The following CEMIP2 variants were observed in gnomAD, a reference collection of about 807,000 sequenced individuals.
CEMIP2 encodes the protein cell surface hyaluronidase CEMIP2.
CEMIP2 carries 79 observed loss-of-function variants against 146.9 expected under a neutral mutation model. That is an observed-to-expected ratio of 0.54 (90% CI 0.45 to 0.65). The LOEUF is 0.65. Among genes scored for constraint, CEMIP2 ranks in the 30% least tolerant of loss-of-function variants. CEMIP2 has a pLI of 0.00. For synonymous variants in CEMIP2, 601 were observed against 606.3 expected, an observed-to-expected ratio of 0.99 and a Z score of 0.13; for missense variants, 1,596 against 1,696.2, an observed-to-expected ratio of 0.94 and a Z score of 1.04.
chr9:71,744,834 A>G (rs138120254), intron 4 of CEMIP2, among the ~76,000 whole-genome samples, 184 bp downstream of exon 4: 1 of 152,276 alleles, frequency 6.6e-6, no homozygotes, highest in East Asian at 1.9e-4. Context: ...AGCCAATGAA[A>G]ATAGCTTTTG....
chr9:71,754,456 C>T (rs572087917), intron 1 of CEMIP2, among the ~76,000 whole-genome samples: 24 of 152,240 alleles, frequency 1.6e-4, no homozygotes, highest in African/African-American at 5.8e-4. Context: ...CAGTATTTCA[C>T]TTTAATACTC....
Position 71,685,209 on chromosome 9 carries a change from T to G in CEMIP2, c.4140A>C (p.Ser1380=). ...RRDLELLKQA[S]KAH is the part of the protein sequence containing the mutation. ...TTACAGTTAGTCTCTAATGTGCTTT[T>G]GAAGCTTGCTTTAGCAGTTCCAGGT... Residue 1380 remains serine, a synonymous_variant, in exon 24 of 24, where the codon TCA becomes TCC. Coordinates refer to ENST00000377044, the MANE Select transcript of CEMIP2 (RefSeq NM_013390.3). 2 of 1,608,848 alleles carry G rather than the reference T, an allele frequency of 1.2e-6. No individual in the cohort carries two copies. The highest frequency in any genetic ancestry group is 1.7e-6 in the Non-Finnish European group (2 of 1,178,262).
chr9:71,730,760 G>C lies in CEMIP2; in HGVS notation c.1718C>G (p.Ser573Cys). 2 of 1,614,218 alleles carry C rather than the reference G, an allele frequency of 1.2e-6. No individual in the cohort carries two copies. The highest frequency in any genetic ancestry group is 2.7e-5 in the African/African-American group (2 of 75,060). ...YRHATFVDGLSIHHSFSRCIT... is the reference protein window; with the variant it reads ...YRHATFVDGLCIHHSFSRCIT... ...GCACCTTGAGAAGCTGTGATGAATAGACAGGCCGTCCACAAATGTTGCATG... is the reference window on the plus strand; with the variant it reads ...GCACCTTGAGAAGCTGTGATGAATACACAGGCCGTCCACAAATGTTGCATG... The change falls in exon 8 of 24, where the codon TCT becomes TGT. Residue 573 changes from serine (S) to cysteine (C), a missense_variant. Transcript: ENST00000377044.
At chr9:71,717,114 G>A (rs1364867698) in intron 13 of CEMIP2, among the ~76,000 whole-genome samples, 1 of 152,218 alleles carries the variant, frequency 6.6e-6, no homozygotes, top group East Asian at 1.9e-4. Context: ...TGAGGCTGCA[G>A]TGAGCTATGA....
intron 22 of CEMIP2, among the ~76,000 whole-genome samples, chr9:71,688,161 G>A (rs886752258): frequency 7.9e-5 from 12 of 152,118 alleles, no homozygotes; most frequent in African/African-American, 2.7e-4. Flanking sequence ...CTGAACTCTT[G>A]GCCGGTATTA....
chr9:71,693,317 A>G (rs570617600), intron 21 of CEMIP2, among the ~76,000 whole-genome samples: 1 of 152,178 alleles, frequency 6.6e-6, no homozygotes, highest in Non-Finnish European at 1.5e-5. Flanking sequence ...ACCTAGGTCA[A>G]CCTGATTTTG....
At chr9:71,768,804 C>T (rs983825723), upstream of CEMIP2, 6 of 149,008 alleles carry the variant, frequency 4.0e-5, no homozygotes, top group African/African-American at 1.5e-4. Flanking sequence ...CGCTCTTGTC[C>T]CTGGTCGGCG....
intron 8 of CEMIP2, 149 bp downstream of exon 8, chr9:71,730,556 G>C: frequency 5.0e-6 from 4 of 801,982 alleles, no homozygotes; most frequent in Non-Finnish European, 7.5e-6. Flanking sequence ...GCTTCCTTCA[G>C]ACAGAAAAAT....
At chr9:71,767,730 G>A (rs1824839262) in intron 1 of CEMIP2, among the ~76,000 whole-genome samples, 1 of 152,202 alleles carries the variant, frequency 6.6e-6, no homozygotes, top group Non-Finnish European at 1.5e-5. Flanking sequence ...TGGGAATAGG[G>A]TCCAGGGCTA....
chr9:71,720,323 C>T (rs1291751957), intron 12 of CEMIP2, among the ~76,000 whole-genome samples: 1 of 152,118 alleles, frequency 6.6e-6, no homozygotes, highest in Non-Finnish European at 1.5e-5. Context: ...TGGAGTCTTG[C>T]CTTTTTGCTC....
chr9:71,710,219 C>T (rs1419213135), intron 16 of CEMIP2, among the ~76,000 whole-genome samples: 1 of 152,186 alleles, frequency 6.6e-6, no homozygotes, highest in Non-Finnish European at 1.5e-5. Flanking sequence ...GCAAAATGGG[C>T]TGCAGGTGAC....
chr9:71,750,188 G>C lies in CEMIP2; in HGVS notation c.186C>G (p.Phe62Leu). 1 of 1,614,130 alleles carries C rather than the reference G, an allele frequency of 6.2e-7. No homozygotes were observed. The highest frequency in any genetic ancestry group is 1.3e-5 in the African/African-American group (1 of 75,010). Residue 62 changes from phenylalanine to leucine, a missense_variant, in exon 2 of 24, where the codon TTC becomes TTG. Coordinates refer to ENST00000377044, the MANE Select transcript of CEMIP2 (RefSeq NM_013390.3). The stretch of plus-strand genomic sequence containing the variant: ...TCTGGGCTTGCTGTTCTTCAGGTGA[G>C]AATGCGAAGGTTGCCCGGTCTTCTC... ...IRREDRATFA[F>L]SPEEQQAQRE... is the part of the protein sequence containing the mutation.
At chr9:71,744,829 AT>A (rs1032542464) in intron 4 of CEMIP2, among the ~76,000 whole-genome samples, 188 bp downstream of exon 4, 2 of 152,192 alleles carry the variant, frequency 1.3e-5, no homozygotes, top group Admixed American at 1.3e-4. Context: ...ACCAAAGCCA[AT>A]GAAAATAGCT....
At chr9:71,737,394 C>T (rs917313402) in intron 5 of CEMIP2, among the ~76,000 whole-genome samples, 1 of 142,404 alleles carries the variant, frequency 7.0e-6, no homozygotes, top group African/African-American at 2.6e-5. Flanking sequence ...GGTGACAGAG[C>T]GAGACTCCGT....
chr9:71,701,282 T>C (rs1490061904), intron 18 of CEMIP2, among the ~76,000 whole-genome samples: 1 of 152,090 alleles, frequency 6.6e-6, no homozygotes, highest in Non-Finnish European at 1.5e-5. Context: ...ATTTTTGTAC[T>C]TTTAGTAGAG....
intron 1 of CEMIP2, among the ~76,000 whole-genome samples, chr9:71,758,720 T>C (rs189096770): frequency 8.5e-4 from 130 of 152,308 alleles, no homozygotes; most frequent in African/African-American, 2.9e-3. Context: ...TAGATGCAAA[T>C]TTCCCCCATA....
rs1312792391 is a variant in CEMIP2 at position 71,730,735 on chromosome 9, G to A, written c.1743C>T (p.Cys581=). ...GLSIHHSFSR[C]ITVHGTNGLL... ...AGCCATTTGTCCCATGCACAGTGAT[G>A]CACCTTGAGAAGCTGTGATGAATAG... is the stretch of plus-strand genomic sequence containing the variant. The change falls in exon 8 of 24, where the codon TGC becomes TGT. Residue 581 remains cysteine (C), a synonymous_variant. Coordinates refer to ENST00000377044, the MANE Select transcript of CEMIP2 (RefSeq NM_013390.3). The A allele has an allele frequency of 6.2e-7, 1 of 1,614,200 alleles. No individual in the cohort carries two copies. The highest frequency in any genetic ancestry group is 1.1e-5 in the South Asian group (1 of 91,084).
chr9:71,728,893 G>A (rs75502950), intron 10 of CEMIP2, among the ~76,000 whole-genome samples: 10,686 of 151,618 alleles, frequency 0.07, 543 homozygotes, highest in South Asian at 0.19. Flanking sequence ...GTACAGTGGC[G>A]CAATCTTGGC....
intron 1 of CEMIP2, among the ~76,000 whole-genome samples, chr9:71,765,650 T>G (rs1824768686): frequency 6.6e-6 from 1 of 152,242 alleles, no homozygotes; most frequent in African/African-American, 2.4e-5. Flanking sequence ...CTGTTCCTTC[T>G]CTGGCTTCTT....
Sources: gnomAD v4.1 joint callset for allele counts (sites outside exome capture counted in the v4.1 genomes callset) on GRCh38, gnomAD v4.1.1 for gene constraint, MANE v1.5 for transcripts, NCBI Gene and HGNC (gene_info 2026-07-23, HGNC 2026-07-21) for gene names.